SEC24A: variants seen among roughly 807,000 people sequenced by gnomAD.
SEC24A encodes SEC24 homolog A, COPII component.
In SEC24A, 93 loss-of-function variants were observed where a neutral mutation model predicts 129.4. The ratio of observed to expected loss-of-function variants is 0.72; its 90% confidence interval spans 0.61 to 0.85. The LOEUF is 0.85. Ranked by LOEUF, SEC24A falls within the 40% of genes least tolerant of loss-of-function variation. The probability of loss-of-function intolerance (pLI) is 0.00; values close to 1 mark genes in which losing one functional copy is unlikely to be tolerated. For synonymous variants in SEC24A, 460 were observed against 467.3 expected (o/e 0.98, Z 0.20); for missense variants, 1,264 against 1,307.4 (o/e 0.97, Z 0.51).
At position 134,678,581 on chromosome 5, in the gene SEC24A, T is replaced by TA. The variant is rs201446846; in HGVS notation, c.1255-1021_1255-1020insA. 9.9e-3 allele frequency among the ~76,000 whole-genome samples: 1,446 copies of TA among 146,072 alleles called. 26 individuals carry two copies. Among genetic ancestry groups the TA allele is most frequent in the African/African-American group, 0.035 (1,349 of 38,286 alleles). On this transcript the variant is annotated intron_variant, in intron 7 of 22. Coordinates refer to ENST00000398844, the MANE Select transcript of SEC24A (RefSeq NM_021982.3). ...AAGCACTGGGATATATATATATATA[T>TA]TTTTTTAATTTATTTCCAAGATGGA...
chr5:134,705,092 T>TATATATA (rs1561828092), intron 16 of SEC24A, among the ~76,000 whole-genome samples: 2 of 106,200 alleles, frequency 1.9e-5, no homozygotes, highest in African/African-American at 7.2e-5. Flanking sequence ...ATATATATAT[T>TATATATA]TTTTTTTTTT....
intron 18 of SEC24A, among the ~76,000 whole-genome samples, chr5:134,714,589 G>A (rs570000641): frequency 6.6e-6 from 1 of 152,192 alleles, no homozygotes; most frequent in Non-Finnish European, 1.5e-5. Context: ...TATCTTCTGC[G>A]AAACCAGTCC....
intron 3 of SEC24A, among the ~76,000 whole-genome samples, chr5:134,668,710 G>C (rs1750751555): frequency 6.8e-6 from 1 of 147,898 alleles, no homozygotes; most frequent in Non-Finnish European, 1.5e-5. Context: ...TGGGTGACAA[G>C]AGCAAAACTC....
chr5:134,693,972 G>A (rs1379010762), intron 13 of SEC24A, 39 bp downstream of exon 13: 3 of 1,534,500 alleles, frequency 2.0e-6, no homozygotes, highest in Middle Eastern at 1.7e-4. Flanking sequence ...GTTTATGCTG[G>A]TGTTCCATCC....
intron 2 of SEC24A, among the ~76,000 whole-genome samples, chr5:134,665,535 C>T (rs900405813): frequency 4.6e-4 from 70 of 151,576 alleles, no homozygotes; most frequent in African/African-American, 1.7e-3. Flanking sequence ...CTGCTCCTGG[C>T]CCCCTATTTT....
At chr5:134,671,778 T>C in intron 3 of SEC24A, 31 bp from the exon 4 acceptor site, 2 of 1,327,416 alleles carry the variant, frequency 1.5e-6, no homozygotes, top group Non-Finnish European at 2.1e-6. Flanking sequence ...ATCATTCTAA[T>C]TAAAATCTTG....
At chr5:134,672,011 A>G in intron 4 of SEC24A, 125 bp downstream of exon 4, 1 of 623,554 alleles carries the variant, frequency 1.6e-6, no homozygotes, top group Non-Finnish European at 2.8e-6. Flanking sequence ...CATACATACT[A>G]TTAACTTATT....
intron 1 of SEC24A, among the ~76,000 whole-genome samples, chr5:134,653,339 C>T (rs1424258186): frequency 6.6e-6 from 1 of 152,124 alleles, no homozygotes; most frequent in Non-Finnish European, 1.5e-5. Flanking sequence ...AGCCTCGAAC[C>T]TCCTGGCTGA....
At chr5:134,707,067 G>T (rs1383776473) in intron 17 of SEC24A, among the ~76,000 whole-genome samples, 1 of 152,080 alleles carries the variant, frequency 6.6e-6, no homozygotes, top group Non-Finnish European at 1.5e-5. Context: ...TGAATCCTGG[G>T]CTCAAGCAAT....
intron 3 of SEC24A, among the ~76,000 whole-genome samples, chr5:134,667,774 A>G (rs756464233): frequency 2.0e-5 from 3 of 152,134 alleles, no homozygotes; most frequent in Non-Finnish European, 2.9e-5. Flanking sequence ...GTGGAAAAAT[A>G]CAAGCTTTTG....
intron 1 of SEC24A, among the ~76,000 whole-genome samples, chr5:134,656,083 C>CT (rs70976549): frequency 0.68 from 93,785 of 138,774 alleles, 33,488 homozygotes; most frequent in Non-Finnish European, 0.79. Flanking sequence ...AGCTAAATAT[C>CT]TTTTTTTTTT....
At chr5:134,688,478 G>A (rs1751524006) in intron 11 of SEC24A, among the ~76,000 whole-genome samples, 179 bp downstream of exon 11, 1 of 152,112 alleles carries the variant, frequency 6.6e-6, no homozygotes, top group African/African-American at 2.4e-5. Flanking sequence ...AGGAGGAAAT[G>A]GGGGTTATGG....
chr5:134,662,399 C>G (rs1750504167), intron 2 of SEC24A, among the ~76,000 whole-genome samples: 1 of 152,082 alleles, frequency 6.6e-6, no homozygotes, highest in African/African-American at 2.4e-5. Context: ...CGTGATCCGC[C>G]CGCCTTGACC....
chr5:134,710,224 T>C (rs74639757), intron 18 of SEC24A, among the ~76,000 whole-genome samples: 1 of 151,372 alleles, frequency 6.6e-6, no homozygotes, highest in African/African-American at 2.4e-5. Flanking sequence ...TTTTTTTTTT[T>C]TGTCTGAGAC....
At chr5:134,712,036 C>T (rs1429297510) in intron 18 of SEC24A, among the ~76,000 whole-genome samples, 4 of 151,860 alleles carry the variant, frequency 2.6e-5, no homozygotes, top group African/African-American at 7.3e-5. Flanking sequence ...CGTGAGCCAC[C>T]GCGCCTGGCC....
At chr5:134,719,058 G>T (rs906247028) in intron 20 of SEC24A, among the ~76,000 whole-genome samples, 1 of 151,944 alleles carries the variant, frequency 6.6e-6, no homozygotes, top group Admixed American at 6.6e-5. Context: ...TGTGTTTTAA[G>T]CTAAGTGTTA....
chr5:134,692,854 G>A (rs1580718814), intron 12 of SEC24A, 197 bp downstream of exon 12: 2 of 702,844 alleles, frequency 2.8e-6, no homozygotes, highest in East Asian at 2.7e-5. Flanking sequence ...AATGAAGCAA[G>A]TTATTTGTAG....
chr5:134,708,648 C>T, intron 17 of SEC24A, 65 bp from the exon 18 acceptor site: 1 of 1,420,846 alleles, frequency 7.0e-7, no homozygotes, highest in South Asian at 1.3e-5. Context: ...CTCTTCTATC[C>T]TTAACAGTGG....
chr5:134,723,822 CA>C (rs1401588749), intron 22 of SEC24A, 152 bp downstream of exon 22: 6 of 574,412 alleles, frequency 1.0e-5, no homozygotes, highest in Non-Finnish European at 1.5e-5. Context: ...ATTGGAAATA[CA>C]GAACTTTTTT....
Sources: allele counts gnomAD v4.1 joint callset (sites outside exome capture counted in the v4.1 genomes callset), GRCh38; gene constraint gnomAD v4.1.1; transcripts MANE v1.5; gene names NCBI Gene and HGNC (gene_info 2026-07-23, HGNC 2026-07-21).